CYFIP2: variants seen among roughly 807,000 people sequenced by gnomAD.
CYFIP2 encodes cytoplasmic FMR1 interacting protein 2, also known as cytoplasmic FMR1-interacting protein 2.
Under a neutral mutation model 158.7 loss-of-function variants are expected in CYFIP2, and 29 were observed. That is an observed-to-expected ratio of 0.18 (90% CI 0.14 to 0.25). CYFIP2 has a LOEUF of 0.25. CYFIP2 is among the 10% of genes least tolerant of loss of function. The pLI, the probability that CYFIP2 is intolerant of heterozygous loss-of-function variation, is 1.00. For synonymous variants in CYFIP2, 585 were observed against 617.6 expected (o/e 0.95, Z 0.78); for missense variants, 852 against 1,639.5 (o/e 0.52, Z 8.29).
intron 28 of CYFIP2, among the ~76,000 whole-genome samples, chr5:157,386,427 CCA>C (rs1766697397): frequency 1.3e-5 from 2 of 151,874 alleles, no homozygotes; most frequent in African/African-American, 4.8e-5. Flanking sequence ...ACTATGTTGC[CCA>C]GTCTGGGATA....
At chr5:157,298,774 G>A (rs56669305) in intron 5 of CYFIP2, among the ~76,000 whole-genome samples, 17,198 of 152,116 alleles carry the variant, frequency 0.11, 1,429 homozygotes, top group East Asian at 0.26. Context: ...ATGCTGCCAT[G>A]GATTTGCCTG....
intron 26 of CYFIP2, chr5:157,376,730 C>T: frequency 3.1e-6 from 1 of 322,820 alleles, no homozygotes; most frequent in Non-Finnish European, 6.4e-6. Context: ...GTCTTGGTCA[C>T]CCTGAGAAGC....
chr5:157,358,969 C>T (rs1763608854), intron 23 of CYFIP2, 36 bp from the exon 24 acceptor site: 2 of 1,613,540 alleles, frequency 1.2e-6, no homozygotes, highest in African/African-American at 2.7e-5. Flanking sequence ...CCATTCAGTA[C>T]TCAGGCACTT....
In CYFIP2 at chr5:157,302,721, G is replaced by A. The variant is rs1419043507; in HGVS notation, c.570-73G>A. On this transcript the variant is annotated intron_variant, in intron 6 of 30. Coordinates refer to ENST00000620254, the MANE Select transcript of CYFIP2 (RefSeq NM_001037333.3). ...GTCACTCTGTGTTAGGTGGGCATGC[G>A]AGCCCGTGAGGCATGGTTTAGGCCG... 29 of 1,216,474 alleles carry A rather than the reference G, an allele frequency of 2.4e-5. No homozygotes were observed. In the Admixed American group the frequency reaches 3.9e-4, roughly 16 times the overall value. 75.4% of individuals were successfully genotyped at this position (1,216,474 alleles called of 1,614,324 possible).
chr5:157,383,547 C>T (rs919110021), intron 28 of CYFIP2, 188 bp downstream of exon 28: 7 of 553,714 alleles, frequency 1.3e-5, no homozygotes, highest in African/African-American at 1.9e-5. Context: ...ACTCTCAGGC[C>T]TGAGTGTTTC....
At chr5:157,314,626 C>T (rs1182472447) in intron 12 of CYFIP2, among the ~76,000 whole-genome samples, 163 bp downstream of exon 12, 2 of 152,146 alleles carry the variant, frequency 1.3e-5, no homozygotes, top group African/African-American at 2.4e-5. Flanking sequence ...TTAGTATATC[C>T]GCAGAGTTGT....
intron 15 of CYFIP2, chr5:157,322,867 T>A (rs1023466817): frequency 1.4e-6 from 2 of 1,396,526 alleles, no homozygotes; most frequent in African/African-American, 2.8e-5. Flanking sequence ...TCTCTCTCTC[T>A]CTTTCTCTCT....
chr5:157,314,928 C>G (rs1483686985), intron 12 of CYFIP2, 41 bp from the exon 13 acceptor site: 14 of 1,470,678 alleles, frequency 9.5e-6, no homozygotes, highest in South Asian at 1.2e-5. Flanking sequence ...TTTGTCCGTT[C>G]ATCAGTTGAT....
At chr5:157,290,328 C>G (rs1757718034) in intron 3 of CYFIP2, among the ~76,000 whole-genome samples, 1 of 152,190 alleles carries the variant, frequency 6.6e-6, no homozygotes, top group Non-Finnish European at 1.5e-5. Flanking sequence ...GTTCCCTTGC[C>G]TTTTCCAGCT....
chr5:157,387,471 C>T (rs1304981250), intron 28 of CYFIP2, among the ~76,000 whole-genome samples: 2 of 152,178 alleles, frequency 1.3e-5, no homozygotes. Flanking sequence ...ACCAAATGCA[C>T]AGTAGATTAA....
chr5:157,323,783 G>T lies in CYFIP2; in HGVS notation c.1672-138G>T. Reference sequence around the variant, plus strand: ...ACATTTATTTCTCAAACCTTAAACTGGTGCTTCCTTAGGACAGTGCTTTTT... The same window carrying T: ...ACATTTATTTCTCAAACCTTAAACTTGTGCTTCCTTAGGACAGTGCTTTTT... On this transcript the variant is annotated intron_variant, in intron 15 of 30. Transcript: ENST00000620254. The T allele has an allele frequency of 4.6e-6, 5 of 1,082,826 alleles. No homozygotes were observed. In the South Asian group the frequency reaches 8.3e-5, roughly 18 times the overall value. The allele number at this position is 1,082,826 out of a possible 1,614,324, so 67.1% of individuals were successfully genotyped here. A position where few individuals can be genotyped will look rare whatever the true frequency, so the allele number is the denominator to read the frequency against.
Position 157,294,850 on chromosome 5 carries a change from C to G in CYFIP2, c.275C>G (p.Ala92Gly). The part of the protein sequence containing the change: ...MLYTWRSCSR[A>G]IPQVKCNEQP... ...TACACCTGGCGCAGCTGTTCCCGGG[C>G]CATTCCCCAGGTGAGACTGTCCTTG... Residue 92 changes from alanine to glycine, a missense_variant, in exon 4 of 31, where the codon GCC (alanine) becomes GGC (glycine). Physicochemically the swap from Ala to Gly is moderately conservative, Grantham distance 60. Transcript: ENST00000620254. The G allele has an allele frequency of 6.2e-7, 1 of 1,613,318 alleles. No homozygotes were observed. The highest frequency in any genetic ancestry group is 8.5e-7 in the Non-Finnish European group (1 of 1,179,408).
intron 26 of CYFIP2, among the ~76,000 whole-genome samples, chr5:157,366,988 C>T (rs1486165987): frequency 6.6e-6 from 1 of 152,218 alleles, no homozygotes; most frequent in East Asian, 1.9e-4. Context: ...TTTAGTCTGC[C>T]TTTTACTGCA....
At chr5:157,340,108 A>G (rs1762140909) in intron 22 of CYFIP2, among the ~76,000 whole-genome samples, 1 of 152,254 alleles carries the variant, frequency 6.6e-6, no homozygotes, top group South Asian at 2.1e-4. Flanking sequence ...CAAGGTGCAC[A>G]CGGCCCGGGG....
At chr5:157,337,664 A>G (rs73304197) in intron 21 of CYFIP2, among the ~76,000 whole-genome samples, 2,238 of 152,308 alleles carry the variant, frequency 0.015, 76 homozygotes, top group African/African-American at 0.052. Context: ...CTTTGTGGCT[A>G]ATGAGAATGA....
At chr5:157,330,661 G>C in intron 19 of CYFIP2, 81 bp from the exon 20 acceptor site, 1 of 1,063,158 alleles carries the variant, frequency 9.4e-7, no homozygotes, top group Admixed American at 1.9e-5. Context: ...TAGATCCTAT[G>C]ATCTGAAATA....
chr5:157,360,113 A>C (rs2113358320), intron 24 of CYFIP2, among the ~76,000 whole-genome samples, 169 bp from the exon 25 acceptor site: 1 of 152,350 alleles, frequency 6.6e-6, no homozygotes, highest in East Asian at 1.9e-4. Context: ...ACAACGAGAG[A>C]GCTCCTTTTT....
At chr5:157,273,098 T>C (rs1400073888) in intron 1 of CYFIP2, among the ~76,000 whole-genome samples, 1 of 152,186 alleles carries the variant, frequency 6.6e-6, no homozygotes, top group Non-Finnish European at 1.5e-5. Context: ...ACTCCTGATC[T>C]CAGGTGATCC....
At chr5:157,359,456 T>C (rs532055471) in intron 24 of CYFIP2, among the ~76,000 whole-genome samples, 29 of 152,318 alleles carry the variant, frequency 1.9e-4, no homozygotes, top group African/African-American at 6.7e-4. Flanking sequence ...TGACTGCTCA[T>C]CCTCCCCAGC....
Sources: allele counts gnomAD v4.1 joint callset (sites outside exome capture counted in the v4.1 genomes callset), GRCh38; gene constraint gnomAD v4.1.1; transcripts MANE v1.5; gene names NCBI Gene and HGNC (gene_info 2026-07-23, HGNC 2026-07-21).